CLMP: variants seen among roughly 807,000 people sequenced by gnomAD.
CLMP encodes CXADR like cell adhesion molecule, also known as CXADR-like membrane protein.
CLMP carries 27 observed loss-of-function variants against 45.2 expected under a neutral mutation model. The observed-to-expected ratio is 0.60, with a 90% CI of 0.44 to 0.82. The LOEUF is 0.82. CLMP is among the 40% of genes least tolerant of loss of function. The probability of loss-of-function intolerance (pLI) is 0.00; values close to 1 mark genes in which losing one functional copy is unlikely to be tolerated. For missense variants in CLMP, 403 were observed against 448.4 expected (o/e 0.90, Z 0.91); for synonymous variants, 167 against 171.4 (o/e 0.97, Z 0.20).
chr11:123,128,569 A>AT (rs1214744781), intron 1 of CLMP, among the ~76,000 whole-genome samples: 1 of 152,114 alleles, frequency 6.6e-6, no homozygotes, highest in Admixed American at 6.6e-5. Flanking sequence ...CTGATGTGAG[A>AT]TTTTTGCTTG....
At chr11:123,112,572 G>A (rs1201780189) in intron 1 of CLMP, among the ~76,000 whole-genome samples, 1 of 151,810 alleles carries the variant, frequency 6.6e-6, no homozygotes, top group Non-Finnish European at 1.5e-5. Flanking sequence ...CCTGACCTCA[G>A]GTGAGCCCCC....
At chr11:123,121,002 C>A (rs1035312410) in intron 1 of CLMP, among the ~76,000 whole-genome samples, 2 of 151,684 alleles carry the variant, frequency 1.3e-5, no homozygotes, top group African/African-American at 4.8e-5. Context: ...GTGGCAGGAG[C>A]CTGTAGTCCC....
chr11:123,098,036 G>A, intron 1 of CLMP, 84 bp from the exon 2 acceptor site: 1 of 1,218,424 alleles, frequency 8.2e-7, no homozygotes, highest in African/African-American at 1.5e-5. Flanking sequence ...AGAATTATGG[G>A]ATGTTCCCGT....
At chr11:123,141,981 C>T (rs1861167648) in intron 1 of CLMP, among the ~76,000 whole-genome samples, 1 of 138,070 alleles carries the variant, frequency 7.2e-6, no homozygotes, top group Admixed American at 7.7e-5. Context: ...AAAATCCCCC[C>T]AGCCTTTTTT....
At chr11:123,085,182 C>CT (rs112855358) in intron 2 of CLMP, among the ~76,000 whole-genome samples, 278 of 136,990 alleles carry the variant, frequency 2.0e-3, no homozygotes, top group Admixed American at 2.8e-3. Context: ...GCCTCCCATT[C>CT]TTTTTTTTTT....
intron 1 of CLMP, among the ~76,000 whole-genome samples, chr11:123,179,959 C>T (rs189498557): frequency 5.3e-5 from 8 of 152,308 alleles, no homozygotes; most frequent in Non-Finnish European, 1.2e-4. Flanking sequence ...GAGTCCTAGG[C>T]CTCACCCTAG....
intron 1 of CLMP, among the ~76,000 whole-genome samples, chr11:123,112,338 C>CTTTTTT (rs544128953): frequency 2.7e-4 from 37 of 137,522 alleles, no homozygotes; most frequent in South Asian, 6.9e-4. Context: ...TTTTCTTTTT[C>CTTTTTT]TTTTTTTTTT....
At chr11:123,179,889 CT>C (rs1861747207) in intron 1 of CLMP, among the ~76,000 whole-genome samples, 1 of 152,222 alleles carries the variant, frequency 6.6e-6, no homozygotes, top group Admixed American at 6.5e-5. Context: ...CCCTCCCTTT[CT>C]TCCTGAGAGG....
At position 123,145,052 on chromosome 11, in the gene CLMP, A is replaced by G. The variant is rs150418166; in HGVS notation, c.29-47100T>C. ...ATTTTAAAGACTTAGTATAATAAAA[A>G]GAGTGTAAAAAATCTTGTTAGTAAT... On this transcript the variant is annotated intron_variant, in intron 1 of 6. Coordinates refer to ENST00000448775, the MANE Select transcript of CLMP (RefSeq NM_024769.5). Among the ~76,000 whole-genome samples, 485 of 152,342 alleles carry G rather than the reference A, an allele frequency of 3.2e-3. 3 individuals carry two copies. Among genetic ancestry groups the G allele is most frequent in the African/African-American group, 0.011 (464 of 41,584 alleles).
chr11:123,119,016 T>C (rs1860769394), intron 1 of CLMP, among the ~76,000 whole-genome samples: 5 of 41,474 alleles, frequency 1.2e-4, no homozygotes, highest in East Asian at 1.1e-3. Flanking sequence ...TCTCTCTCTC[T>C]CTCTCTCTCT....
chr11:123,122,016 T>C (rs967971144), intron 1 of CLMP, among the ~76,000 whole-genome samples: 1 of 152,156 alleles, frequency 6.6e-6, no homozygotes, highest in Non-Finnish European at 1.5e-5. Flanking sequence ...AGTGCTGGGA[T>C]TGGGAACCAC....
intron 1 of CLMP, among the ~76,000 whole-genome samples, chr11:123,183,661 G>A (rs1462978842): frequency 1.3e-5 from 2 of 152,130 alleles, no homozygotes; most frequent in East Asian, 3.8e-4. Flanking sequence ...CAGGACATGG[G>A]CAAACAGGAT....
intron 5 of CLMP, among the ~76,000 whole-genome samples, chr11:123,077,179 A>G (rs971650104): frequency 1.3e-4 from 19 of 150,336 alleles, no homozygotes; most frequent in Admixed American, 4.6e-4. Flanking sequence ...TTGTATTTTT[A>G]GTAGAGACAG....
At chr11:123,191,053 A>G (rs1861900096) in intron 1 of CLMP, among the ~76,000 whole-genome samples, 1 of 152,214 alleles carries the variant, frequency 6.6e-6, no homozygotes, top group African/African-American at 2.4e-5. Context: ...ATGAGGTCTT[A>G]AATATTATTG....
chr11:123,174,767 T>G (rs1195480249), intron 1 of CLMP, among the ~76,000 whole-genome samples: 1 of 152,194 alleles, frequency 6.6e-6, no homozygotes, highest in African/African-American at 2.4e-5. Context: ...CACTTAGGAT[T>G]TTTTAAATGG....
intron 1 of CLMP, among the ~76,000 whole-genome samples, chr11:123,118,008 GA>G (rs1246482901): frequency 6.6e-6 from 1 of 152,124 alleles, no homozygotes; most frequent in South Asian, 2.1e-4. Context: ...GAAATCTTTG[GA>G]ATATATTCTT....
chr11:123,131,006 C>G (rs1177468233), intron 1 of CLMP, among the ~76,000 whole-genome samples: 60 of 151,982 alleles, frequency 3.9e-4, no homozygotes, highest in Admixed American at 3.9e-3. Context: ...CCATGCCTGG[C>G]TAATTTTTGT....
intron 1 of CLMP, among the ~76,000 whole-genome samples, chr11:123,129,119 G>C (rs1435420670): frequency 2.6e-5 from 4 of 151,986 alleles, no homozygotes; most frequent in South Asian, 2.1e-4. Context: ...GGTCAGGTTG[G>C]AGACCACGCT....
chr11:123,118,428 C>A (rs981772644), intron 1 of CLMP, among the ~76,000 whole-genome samples: 1 of 152,228 alleles, frequency 6.6e-6, no homozygotes, highest in South Asian at 2.1e-4. Context: ...AGCCACCAAG[C>A]CCAGCCAAGA....
Sources: allele counts gnomAD v4.1 joint callset (sites outside exome capture counted in the v4.1 genomes callset), GRCh38; gene constraint gnomAD v4.1.1; transcripts MANE v1.5; gene names NCBI Gene and HGNC (gene_info 2026-07-23, HGNC 2026-07-21).